Variants in APBB2 observed in about 807,000 individuals in gnomAD.
APBB2 encodes Fe65-like 1.
Under a neutral mutation model 82.5 loss-of-function variants are expected in APBB2, and 38 were observed. The ratio of observed to expected loss-of-function variants is 0.46; its 90% confidence interval spans 0.36 to 0.60. The LOEUF (loss-of-function observed/expected upper bound fraction) is 0.60, where lower values mean the gene tolerates loss of function less well. Ranked by LOEUF, APBB2 falls within the 20% of genes least tolerant of loss-of-function variation. The pLI is 0.00. For synonymous variants in APBB2, 341 were observed against 368.2 expected (o/e 0.93, Z 0.85); for missense variants, 772 against 972.3 (o/e 0.79, Z 2.74).
chr4:41,156,494 A>AT (rs1460970029), intron 1 of APBB2, among the ~76,000 whole-genome samples: 3 of 152,118 alleles, frequency 2.0e-5, no homozygotes, highest in Admixed American at 6.5e-5. Context: ...CTTTTCTTTC[A>AT]TTTCAGGAGA....
In APBB2 at chr4:40,880,100, C is replaced by T. The variant is rs554713383; in HGVS notation, c.1529+10264G>A. 6.6e-5 allele frequency: 65 copies of T among 985,394 alleles called. No individual in the cohort carries two copies. The South Asian group carries it at 2.3e-3, about 35-fold the overall frequency. 61.0% of individuals were successfully genotyped at this position (985,394 alleles called of 1,614,324 possible). A position where few individuals can be genotyped will look rare whatever the true frequency, so the allele number is the denominator to read the frequency against. On this transcript the variant is annotated intron_variant, in intron 12 of 17. Coordinates refer to ENST00000508593, the MANE Select transcript of APBB2 (RefSeq NM_004307.2). ...TGAAAGGACCTCCATATTTCAGCTA[C>T]GTCAGTGATGATCTCCAGTGCGGAT...
At chr4:40,971,651 T>C (rs989378388) in intron 6 of APBB2, among the ~76,000 whole-genome samples, 2 of 152,036 alleles carry the variant, frequency 1.3e-5, no homozygotes, top group East Asian at 1.9e-4. Flanking sequence ...TATTTAGCAA[T>C]AGAACTTAAG....
chr4:41,041,826 T>C (rs1721618566), intron 4 of APBB2, among the ~76,000 whole-genome samples: 1 of 152,190 alleles, frequency 6.6e-6, no homozygotes, highest in African/African-American at 2.4e-5. Flanking sequence ...TTCTGAAATG[T>C]ATCCCAGGGG....
intron 12 of APBB2, among the ~76,000 whole-genome samples, chr4:40,841,294 C>T (rs1349925984): frequency 1.3e-5 from 2 of 152,180 alleles, no homozygotes; most frequent in Non-Finnish European, 2.9e-5. Context: ...GATCTGCCTT[C>T]GTGTCTCTCC....
At chr4:40,962,084 A>G (rs868638871) in intron 6 of APBB2, among the ~76,000 whole-genome samples, 3 of 152,340 alleles carry the variant, frequency 2.0e-5, no homozygotes, top group Middle Eastern at 3.4e-3. Context: ...ATTAGCTGCC[A>G]CACACCTGTG....
chr4:40,880,209 C>T (rs1042103031), intron 12 of APBB2: 1 of 985,348 alleles, frequency 1.0e-6, no homozygotes, highest in South Asian at 4.7e-5. Flanking sequence ...ATTCCTACTC[C>T]AGTGTTCCTT....
intron 1 of APBB2, among the ~76,000 whole-genome samples, chr4:41,153,255 G>A (rs1455571447): frequency 6.6e-6 from 1 of 152,162 alleles, no homozygotes; most frequent in Non-Finnish European, 1.5e-5. Flanking sequence ...AGAGGTCTTA[G>A]TTCTTGTGGT....
chr4:41,211,301 G>T (rs1199378636), intron 1 of APBB2, among the ~76,000 whole-genome samples: 1 of 151,746 alleles, frequency 6.6e-6, no homozygotes, highest in African/African-American at 2.4e-5. Flanking sequence ...ACAAATGCTG[G>T]TTTCCTAACC....
chr4:41,173,369 T>G (rs1768859984), intron 1 of APBB2, among the ~76,000 whole-genome samples: 1 of 152,134 alleles, frequency 6.6e-6, no homozygotes, highest in Non-Finnish European at 1.5e-5. Flanking sequence ...GGCAATATTC[T>G]CAGGCAAAGG....
At chr4:40,851,948 A>G (rs1486643406) in intron 12 of APBB2, among the ~76,000 whole-genome samples, 1 of 152,092 alleles carries the variant, frequency 6.6e-6, no homozygotes, top group African/African-American at 2.4e-5. Context: ...AATTTCCTGC[A>G]AAGTTACTAA....
chr4:40,926,874 T>C (rs958060773), intron 10 of APBB2, among the ~76,000 whole-genome samples: 1 of 152,232 alleles, frequency 6.6e-6, no homozygotes, highest in Non-Finnish European at 1.5e-5. Flanking sequence ...ATCTACAATA[T>C]GGAAACATAA....
At chr4:41,038,918 C>A (rs1333602462) in intron 4 of APBB2, among the ~76,000 whole-genome samples, 1 of 152,186 alleles carries the variant, frequency 6.6e-6, no homozygotes, top group Non-Finnish European at 1.5e-5. Flanking sequence ...ATTGTTAGTG[C>A]AATAGCTATA....
intron 12 of APBB2, among the ~76,000 whole-genome samples, chr4:40,850,490 G>A (rs1002271552): frequency 1.6e-4 from 24 of 152,280 alleles, no homozygotes; most frequent in African/African-American, 5.1e-4. Context: ...TCCAAGTGAC[G>A]AAATCCCTAT....
chr4:40,823,550 C>T (rs561277183), intron 16 of APBB2, 94 bp downstream of exon 16: 22 of 869,412 alleles, frequency 2.5e-5, no homozygotes, highest in African/African-American at 1.3e-4. Flanking sequence ...TGCACAACTC[C>T]GGCCTTGACT....
intron 12 of APBB2, among the ~76,000 whole-genome samples, chr4:40,856,773 TCCC>T (rs1012887009): frequency 6.6e-6 from 1 of 151,830 alleles, no homozygotes; most frequent in Non-Finnish European, 1.5e-5. Context: ...CAAGGACGCC[TCCC>T]CCCCATTTCA....
At chr4:41,106,154 T>A (rs1359924113) in intron 2 of APBB2, among the ~76,000 whole-genome samples, 1 of 152,182 alleles carries the variant, frequency 6.6e-6, no homozygotes, top group African/African-American at 2.4e-5. Context: ...CATTAATGGA[T>A]ATAAAAAAGG....
chr4:41,168,859 G>C (rs896751630), intron 1 of APBB2, among the ~76,000 whole-genome samples: 3 of 152,142 alleles, frequency 2.0e-5, no homozygotes, highest in Non-Finnish European at 2.9e-5. Context: ...CAAAGGTAAG[G>C]AAGAGGACAG....
intron 4 of APBB2, among the ~76,000 whole-genome samples, chr4:41,059,547 C>T (rs747750971): frequency 2.0e-5 from 3 of 152,272 alleles, no homozygotes; most frequent in Non-Finnish European, 2.9e-5. Context: ...ACCTGGCCCG[C>T]CCAGGGCGGA....
chr4:40,944,109 C>T (rs913659598), intron 7 of APBB2, among the ~76,000 whole-genome samples: 4 of 152,230 alleles, frequency 2.6e-5, no homozygotes, highest in Non-Finnish European at 5.9e-5. Flanking sequence ...GGACTGTGGT[C>T]AGAAAGGGGC....
Sources: allele counts gnomAD v4.1 joint callset (sites outside exome capture counted in the v4.1 genomes callset), GRCh38; gene constraint gnomAD v4.1.1; transcripts MANE v1.5; gene names NCBI Gene and HGNC (gene_info 2026-07-23, HGNC 2026-07-21).